Variants in DLC1 observed in about 807,000 individuals in gnomAD.
The protein encoded by DLC1 is rho GTPase-activating protein 7.
Under a neutral mutation model 140.3 loss-of-function variants are expected in DLC1, and 54 were observed. The observed-to-expected ratio is 0.38, with a 90% CI of 0.31 to 0.48. The LOEUF is 0.48. Among genes scored for constraint, DLC1 ranks in the 20% least tolerant of loss-of-function variants. The probability of loss-of-function intolerance (pLI) is 0.96; values close to 1 mark genes in which losing one functional copy is unlikely to be tolerated. For missense variants in DLC1, 2,536 were observed against 1,907.0 expected (o/e 1.33, Z -6.14); for synonymous variants, 986 against 728.1 (o/e 1.35, Z -5.70).
At chr8:13,231,740 C>T (rs1243056641) in intron 5 of DLC1, among the ~76,000 whole-genome samples, 2 of 152,144 alleles carry the variant, frequency 1.3e-5, no homozygotes, top group Non-Finnish European at 2.9e-5. Context: ...TTGAGCACAG[C>T]GATGTGATCA....
At chr8:13,410,257 A>G (rs1044303177) in intron 2 of DLC1, among the ~76,000 whole-genome samples, 14 of 152,142 alleles carry the variant, frequency 9.2e-5, no homozygotes, top group African/African-American at 3.1e-4. Flanking sequence ...TGAGTCTAAG[A>G]CACTTAAAGC....
chr8:13,403,055 T>C (rs1837367511), intron 2 of DLC1, among the ~76,000 whole-genome samples: 4 of 152,228 alleles, frequency 2.6e-5, no homozygotes. Flanking sequence ...AACAGATTAA[T>C]GCAAATTGAA....
intron 2 of DLC1, among the ~76,000 whole-genome samples, chr8:13,445,333 A>G (rs1336030675): frequency 6.6e-6 from 1 of 152,196 alleles, no homozygotes; most frequent in Non-Finnish European, 1.5e-5. Flanking sequence ...GGATAAACGA[A>G]TGATCTGAGG....
At chr8:13,131,844 C>T (rs1175126388) in intron 5 of DLC1, among the ~76,000 whole-genome samples, 1 of 152,246 alleles carries the variant, frequency 6.6e-6, no homozygotes, top group East Asian at 1.9e-4. Context: ...CCCCACCAGC[C>T]TGACCCCGTG....
At chr8:13,114,435 G>A (rs1042682451) in intron 6 of DLC1, among the ~76,000 whole-genome samples, 1 of 152,134 alleles carries the variant, frequency 6.6e-6, no homozygotes. Context: ...CCCAGGGTAC[G>A]CAGAAGCTGA....
intron 5 of DLC1, among the ~76,000 whole-genome samples, chr8:13,121,503 G>A (rs1428103302): frequency 2.5e-4 from 38 of 152,122 alleles, no homozygotes; most frequent in Non-Finnish European, 5.9e-5. Context: ...GGAAATCTTG[G>A]TGACTCCCAG....
intron 4 of DLC1, among the ~76,000 whole-genome samples, chr8:13,325,135 A>G (rs1563267): frequency 0.33 from 49,483 of 151,992 alleles, 8,332 homozygotes; most frequent in East Asian, 0.44. Flanking sequence ...TTGGCAATTT[A>G]TAAAACAACT....
chr8:13,488,814 G>A (rs1042959077), intron 2 of DLC1, among the ~76,000 whole-genome samples: 6 of 152,260 alleles, frequency 3.9e-5, no homozygotes, highest in Non-Finnish European at 8.8e-5. Flanking sequence ...CTACTAATGT[G>A]TAAACACCTT....
At chr8:13,207,542 T>A (rs1325606754) in intron 5 of DLC1, among the ~76,000 whole-genome samples, 2 of 152,302 alleles carry the variant, frequency 1.3e-5, no homozygotes, top group East Asian at 3.9e-4. Context: ...ATAACATTTA[T>A]AGAGAAAGAA....
intron 2 of DLC1, among the ~76,000 whole-genome samples, chr8:13,485,359 T>A (rs112772403): frequency 1.3e-5 from 2 of 152,314 alleles, no homozygotes; most frequent in African/African-American, 4.8e-5. Context: ...AAAGAGACAG[T>A]AGCATTGTCC....
chr8:13,562,922 C>T (rs568225832), intron 1 of DLC1, among the ~76,000 whole-genome samples: 8 of 148,844 alleles, frequency 5.4e-5, no homozygotes, highest in South Asian at 2.1e-4. Flanking sequence ...AAAAAAAAAA[C>T]GCCATAAAGC....
chr8:13,145,605 A>C (rs1392717119), intron 5 of DLC1, among the ~76,000 whole-genome samples: 2 of 152,218 alleles, frequency 1.3e-5, no homozygotes, highest in African/African-American at 4.8e-5. Context: ...ATTAGGAAAA[A>C]CTGGAAATAA....
intron 4 of DLC1, among the ~76,000 whole-genome samples, chr8:13,308,607 C>G (rs1228691445): frequency 6.6e-6 from 1 of 152,114 alleles, no homozygotes; most frequent in Non-Finnish European, 1.5e-5. Flanking sequence ...TAATTACATG[C>G]CTCACATTAT....
chr8:13,370,929 C>G (rs905684726), intron 4 of DLC1, among the ~76,000 whole-genome samples: 1 of 152,126 alleles, frequency 6.6e-6, no homozygotes, highest in African/African-American at 2.4e-5. Flanking sequence ...TACACATGAT[C>G]CTGGCCAAGG....
chr8:13,202,957 G>A (rs1827475507), intron 5 of DLC1, among the ~76,000 whole-genome samples: 2 of 152,148 alleles, frequency 1.3e-5, no homozygotes, highest in South Asian at 4.1e-4. Flanking sequence ...ACAGGCATGA[G>A]TCACCAAGCT....
intron 4 of DLC1, among the ~76,000 whole-genome samples, chr8:13,364,326 T>A (rs1835382777): frequency 6.6e-6 from 1 of 150,820 alleles, no homozygotes; most frequent in African/African-American, 2.5e-5. Context: ...TTAGATGGAA[T>A]CTTGCTCTGT....
chr8:13,102,934 C>A (rs1819218910), intron 7 of DLC1, 81 bp from the exon 8 acceptor site: 1 of 1,221,492 alleles, frequency 8.2e-7, no homozygotes, highest in Admixed American at 2.0e-5. Context: ...TTAAACAATT[C>A]ATATATTTAA....
At chr8:13,279,855 C>G (rs1831305330) in intron 5 of DLC1, among the ~76,000 whole-genome samples, 1 of 152,178 alleles carries the variant, frequency 6.6e-6, no homozygotes, top group African/African-American at 2.4e-5. Flanking sequence ...AAACTTCAAA[C>G]TATCCCAGTT....
chr8:13,248,994 G>A lies in DLC1; in HGVS notation c.1348+56275C>T, dbSNP rs542288565. ...TCATTTACTCCCTAACCTCAGAGGG[G>A]TATTTTACTCATTCTTAGACTCCTC... On this transcript the variant is annotated intron_variant, in intron 5 of 17. Transcript: ENST00000276297. Among the ~76,000 whole-genome samples, 5 of 152,252 alleles carry A rather than the reference G, an allele frequency of 3.3e-5. No individual in the cohort carries two copies. In the South Asian group the frequency reaches 1.0e-3, roughly 32 times the overall value.
Sources: allele counts gnomAD v4.1 joint callset (sites outside exome capture counted in the v4.1 genomes callset), GRCh38; gene constraint gnomAD v4.1.1; transcripts MANE v1.5; gene names NCBI Gene and HGNC (gene_info 2026-07-23, HGNC 2026-07-21).